RANBP2: variants seen among roughly 807,000 people sequenced by gnomAD.
RANBP2 encodes the protein RAN binding protein 2.
A neutral mutation model predicts 303.6 loss-of-function variants in RANBP2; 57 were observed. The ratio of observed to expected loss-of-function variants is 0.19; its 90% CI spans 0.15 to 0.23. The LOEUF (loss-of-function observed/expected upper bound fraction) is 0.23, where lower values mean the gene tolerates loss of function less well. Among genes scored for constraint, RANBP2 ranks in the 10% least tolerant of loss-of-function variants. The pLI is 1.00. For synonymous variants in RANBP2, 1,167 were observed against 1,301.5 expected (o/e 0.90, Z 2.23); for missense variants, 3,138 against 3,780.8 (o/e 0.83, Z 4.46).
At chr2:109,014,635 T>C in the RANBP2 span, among the ~76,000 whole-genome samples, 2 of 152,322 alleles carry the variant, frequency 1.3e-5, no homozygotes, top group East Asian at 1.9e-4. Flanking sequence ...TGACCAGGTT[T>C]TCCCATGCCT....
chr2:108,924,940 C>T, the RANBP2 span, among the ~76,000 whole-genome samples: 4 of 152,352 alleles, frequency 2.6e-5, no homozygotes, highest in South Asian at 6.2e-4. Flanking sequence ...CCCTGGCCCA[C>T]GCTGACACTT....
the RANBP2 span, among the ~76,000 whole-genome samples, chr2:109,058,694 T>C: frequency 1.3e-5 from 2 of 152,214 alleles, no homozygotes; most frequent in African/African-American, 4.8e-5. Context: ...ACCATTTTTA[T>C]AGACTGGGAA....
At chr2:108,732,998 AT>A in intron 4 of RANBP2, among the ~76,000 whole-genome samples, 1 of 151,888 alleles carries the variant, frequency 6.6e-6, no homozygotes, top group Admixed American at 6.6e-5. Flanking sequence ...TTATTTTTGT[AT>A]TTTTAGTAGA....
chr2:109,317,957 C>T, the RANBP2 span, among the ~76,000 whole-genome samples: 1 of 152,202 alleles, frequency 6.6e-6, no homozygotes, highest in East Asian at 2.0e-4. Context: ...GCCGCTTGTC[C>T]TGATGGATTC....
chr2:109,101,032 C>T, the RANBP2 span, among the ~76,000 whole-genome samples: 1 of 151,968 alleles, frequency 6.6e-6, no homozygotes, highest in African/African-American at 2.4e-5. Context: ...GGGTACTACA[C>T]CCTTGTTATA....
At chr2:108,931,099 A>G in the RANBP2 span, 1 of 1,319,330 alleles carries the variant, frequency 7.6e-7, no homozygotes, top group Non-Finnish European at 1.1e-6. Flanking sequence ...GGCTACCTTT[A>G]TTTAACCCCA....
chr2:109,553,399 C>T, the RANBP2 span, among the ~76,000 whole-genome samples: 2 of 149,534 alleles, frequency 1.3e-5, no homozygotes, highest in Admixed American at 6.7e-5. Context: ...AAAAAATTAG[C>T]TGGGCATGAT....
the RANBP2 span, among the ~76,000 whole-genome samples, chr2:109,275,263 C>T: frequency 7.2e-5 from 11 of 152,146 alleles, no homozygotes; most frequent in African/African-American, 2.7e-4. Flanking sequence ...TCACCCTACC[C>T]TCTCTTGTGA....
chr2:109,711,061 C>A, the RANBP2 span, among the ~76,000 whole-genome samples: 1 of 151,936 alleles, frequency 6.6e-6, no homozygotes, highest in Non-Finnish European at 1.5e-5. Flanking sequence ...GCTGGTGACA[C>A]ATTTGCGTAG....
At chr2:109,103,900 TCTC>T in the RANBP2 span, among the ~76,000 whole-genome samples, 1 of 151,874 alleles carries the variant, frequency 6.6e-6, no homozygotes, top group East Asian at 1.9e-4. Context: ...TTCACACCAT[TCTC>T]CTGCCTCAGC....
chr2:109,325,408 C>A, the RANBP2 span, among the ~76,000 whole-genome samples: 1 of 122,888 alleles, frequency 8.1e-6, no homozygotes, highest in African/African-American at 3.1e-5. Context: ...GTGGTGTGAT[C>A]ATGGCTCACT....
At chr2:108,974,443 T>C in the RANBP2 span, among the ~76,000 whole-genome samples, 1 of 147,362 alleles carries the variant, frequency 6.8e-6, no homozygotes, top group East Asian at 2.1e-4. Context: ...CCATGAAAAG[T>C]AGACATGACT....
chr2:109,026,499 G>C, the RANBP2 span, among the ~76,000 whole-genome samples: 1 of 152,022 alleles, frequency 6.6e-6, no homozygotes, highest in East Asian at 1.9e-4. Flanking sequence ...TGTCCCTTGG[G>C]CCCCTCTTCC....
At chr2:109,442,414 A>G in the RANBP2 span, among the ~76,000 whole-genome samples, 10 of 152,178 alleles carry the variant, frequency 6.6e-5, no homozygotes, top group African/African-American at 2.4e-4. Context: ...ATCTATACAA[A>G]GGAATGAAAA....
At chr2:109,428,289 CTT>C in the RANBP2 span, among the ~76,000 whole-genome samples, 1 of 152,268 alleles carries the variant, frequency 6.6e-6, no homozygotes, top group African/African-American at 2.4e-5. Flanking sequence ...CACTAAAATA[CTT>C]TGGTTTACTC....
the RANBP2 span, among the ~76,000 whole-genome samples, chr2:109,389,366 C>T: frequency 6.6e-6 from 1 of 152,240 alleles, no homozygotes; most frequent in Non-Finnish European, 1.5e-5. Flanking sequence ...GTGCCGACAG[C>T]TTTCTGTCTT....
the RANBP2 span, among the ~76,000 whole-genome samples, chr2:109,587,651 C>T: frequency 2.0e-5 from 3 of 152,114 alleles, no homozygotes; most frequent in Non-Finnish European, 2.9e-5. Flanking sequence ...TGGTGGCTCA[C>T]GCCTGTAATC....
rs757396599 is a variant in RANBP2, at chr2:108,765,246, G to A, written c.4707G>A (p.Pro1569=). The A allele has an allele frequency of 5.5e-5, 89 of 1,612,678 alleles. No individual in the cohort carries two copies. The highest frequency in any genetic ancestry group is 2.4e-4 in the African/African-American group (18 of 74,420). The part of the protein sequence containing the change: ...NATRCVACQN[P]DKPSPSTSVP... ...CAAGATGTGTTGCTTGTCAGAATCC[G>A]GATAAACCAAGTCCATCTACTTCTG... Residue 1569 remains proline, a synonymous_variant, in exon 20 of 29, where the codon CCG becomes CCA. Coordinates refer to ENST00000283195, the MANE Select transcript of RANBP2 (RefSeq NM_006267.5).
chr2:109,710,408 A>G, the RANBP2 span, among the ~76,000 whole-genome samples: 2 of 150,886 alleles, frequency 1.3e-5, no homozygotes, highest in South Asian at 4.2e-4. Flanking sequence ...GATTTACTCT[A>G]TCAGTTATAT....
Sources: gnomAD v4.1 joint callset for allele counts (sites outside exome capture counted in the v4.1 genomes callset) on GRCh38, gnomAD v4.1.1 for gene constraint, MANE v1.5 for transcripts, NCBI Gene and HGNC (gene_info 2026-07-23, HGNC 2026-07-21) for gene names.